GFPT1: variants seen among roughly 807,000 people sequenced by gnomAD.
The protein encoded by GFPT1 is glutamine--fructose-6-phosphate transaminase 1, also known as glutamine--fructose-6-phosphate aminotransferase [isomerizing] 1.
A neutral mutation model predicts 92.0 loss-of-function variants in GFPT1; 40 were observed. The observed-to-expected ratio is 0.43, with a 90% CI of 0.34 to 0.57. GFPT1 has a LOEUF of 0.57. Ranked by LOEUF, GFPT1 falls within the 20% of genes least tolerant of loss-of-function variation. The probability of loss-of-function intolerance (pLI) is 0.02; values close to 1 mark genes in which losing one functional copy is unlikely to be tolerated. For missense variants in GFPT1, 448 were observed against 869.1 expected (o/e 0.52, Z 6.09); for synonymous variants, 269 against 280.6 (o/e 0.96, Z 0.41).
At position 69,325,918 on chromosome 2, in the gene GFPT1, G is replaced by A. The variant is rs761054402; in HGVS notation, c.*271C>T. 9 of 377,768 alleles carry A rather than the reference G, an allele frequency of 2.4e-5. No individual in the cohort carries two copies. Among genetic ancestry groups the A allele is most frequent in the Non-Finnish European group, 4.3e-5 (9 of 209,806 alleles). 23.4% of individuals were successfully genotyped at this position (377,768 alleles called of 1,614,324 possible). The stretch of plus-strand genomic sequence containing the variant: ...GGAGGGTCCAGAAATGCAACACCCA[G>A]CATTCTTTAAAGAAAATAATAGCTA... On this transcript the variant is annotated 3_prime_UTR_variant, in exon 20 of 20. Transcript: ENST00000357308.
chr2:69,371,892 A>C (rs67052036), intron 2 of GFPT1, among the ~76,000 whole-genome samples: 19,385 of 151,494 alleles, frequency 0.13, 1,391 homozygotes, highest in Non-Finnish European at 0.16. Context: ...CAAAGAAGTT[A>C]CCAACATATA....
chr2:69,364,575 G>A (rs1336147616), intron 3 of GFPT1, among the ~76,000 whole-genome samples: 1 of 152,188 alleles, frequency 6.6e-6, no homozygotes, highest in Non-Finnish European at 1.5e-5. Flanking sequence ...GTGTACACAC[G>A]TCTCACAATA....
At chr2:69,363,763 T>A (rs1671538277) in intron 3 of GFPT1, 93 bp from the exon 4 acceptor site, 8 of 874,546 alleles carry the variant, frequency 9.1e-6, no homozygotes, top group Non-Finnish European at 1.3e-5. Flanking sequence ...ACAATGCTGC[T>A]CTCTTGGAAT....
At chr2:69,378,563 T>C (rs1671935128) in intron 1 of GFPT1, among the ~76,000 whole-genome samples, 1 of 152,150 alleles carries the variant, frequency 6.6e-6, no homozygotes, top group South Asian at 2.1e-4. Flanking sequence ...TTAAATTCAA[T>C]GACAAAAAAG....
At chr2:69,326,768 C>T (rs1051284510) in intron 19 of GFPT1, 146 bp downstream of exon 19, 10 of 791,822 alleles carry the variant, frequency 1.3e-5, no homozygotes, top group Non-Finnish European at 1.9e-5. Flanking sequence ...ATGTAACCTA[C>T]AAATTGGGCC....
At chr2:69,372,098 G>A (rs1671764459) in intron 2 of GFPT1, among the ~76,000 whole-genome samples, 1 of 151,164 alleles carries the variant, frequency 6.6e-6, no homozygotes, top group South Asian at 2.1e-4. Flanking sequence ...TACTCAGGAG[G>A]GTGAGGCAGG....
intron 4 of GFPT1, among the ~76,000 whole-genome samples, chr2:69,363,156 G>C (rs1303146763): frequency 6.6e-6 from 1 of 152,138 alleles, no homozygotes; most frequent in East Asian, 1.9e-4. Flanking sequence ...GAGGGCAATG[G>C]CATGAGGTGT....
At position 69,387,144 on chromosome 2, in the gene GFPT1, G is replaced by C; in HGVS notation, c.-73C>G. On this transcript the variant is annotated 5_prime_UTR_variant, in exon 1 of 20. Coordinates refer to ENST00000357308, the MANE Select transcript of GFPT1 (RefSeq NM_001244710.2). ...ATCGGGGGTGCACACACGAGCTTCG[G>C]TGGGCAATCTGCGGGCTCGGGGGCC... The C allele has an allele frequency of 2.7e-6, 4 of 1,476,392 alleles. No homozygotes were observed. Among genetic ancestry groups the C allele is most frequent in the Non-Finnish European group, 3.6e-6 (4 of 1,115,600 alleles). 91.5% of individuals were successfully genotyped at this position (1,476,392 alleles called of 1,614,324 possible). A position where few individuals can be genotyped will look rare whatever the true frequency, so the allele number is the denominator to read the frequency against.
At chr2:69,372,496 G>C (rs1393186592) in intron 2 of GFPT1, among the ~76,000 whole-genome samples, 3 of 151,816 alleles carry the variant, frequency 2.0e-5, no homozygotes, top group Non-Finnish European at 4.4e-5. Flanking sequence ...GCTGAATCCG[G>C]AAGACAGAGG....
chr2:69,340,140 CTTTTTTTT>C (rs139786418), intron 13 of GFPT1, among the ~76,000 whole-genome samples: 3 of 99,090 alleles, frequency 3.0e-5, no homozygotes, highest in East Asian at 5.8e-4. Context: ...GTTGGGGCAA[CTTTTTTTT>C]TTTTTTTTTT....
chr2:69,352,378 G>A (rs1671228568), intron 9 of GFPT1, among the ~76,000 whole-genome samples: 1 of 152,062 alleles, frequency 6.6e-6, no homozygotes, highest in South Asian at 2.1e-4. Flanking sequence ...ACTTTGGGAG[G>A]CCGAGGTGGG....
intron 1 of GFPT1, among the ~76,000 whole-genome samples, chr2:69,381,407 C>G (rs1448773498): frequency 6.6e-6 from 1 of 151,712 alleles, no homozygotes; most frequent in African/African-American, 2.4e-5. Context: ...TCCCAAAATG[C>G]TGAGTTCACA....
At chr2:69,384,740 GAGAA>G (rs1187384038) in intron 1 of GFPT1, among the ~76,000 whole-genome samples, 61 of 122,390 alleles carry the variant, frequency 5.0e-4, no homozygotes, top group African/African-American at 9.7e-4. Flanking sequence ...AAAGAAAGAA[GAGAA>G]AGAAAGAAAG....
intron 15 of GFPT1, among the ~76,000 whole-genome samples, chr2:69,333,515 C>A (rs1670721993): frequency 6.6e-6 from 1 of 152,164 alleles, no homozygotes; most frequent in South Asian, 2.1e-4. Flanking sequence ...TCAGAATCTA[C>A]CGAGGTTTGA....
chr2:69,372,247 G>C (rs1304808816), intron 2 of GFPT1, among the ~76,000 whole-genome samples: 1 of 148,544 alleles, frequency 6.7e-6, no homozygotes, highest in South Asian at 2.1e-4. Context: ...GCTCACCCAT[G>C]AAGACACCAA....
rs1049757166 is a variant in GFPT1, at chr2:69,323,688, T to C, written c.*2501A>G. 1 of 151,260 alleles carries C rather than the reference T, an allele frequency of 6.6e-6. No homozygotes were observed. The highest frequency in any genetic ancestry group is 1.5e-5 in the Non-Finnish European group (1 of 67,744). The allele number at this position is 151,260 out of a possible 1,614,324, so 9.4% of individuals were successfully genotyped here. A position where few individuals can be genotyped will look rare whatever the true frequency, so the allele number is the denominator to read the frequency against. ...CCATTTAAAAAAAAAATTTTTTTTT[T>C]TTTTTTTTGAGAGAGTCTTGCTCTG... is the stretch of plus-strand genomic sequence containing the variant. On this transcript the variant is annotated 3_prime_UTR_variant, in exon 20 of 20. Coordinates refer to ENST00000357308, the MANE Select transcript of GFPT1 (RefSeq NM_001244710.2).
chr2:69,338,307 G>A (rs1439292089), intron 14 of GFPT1, 138 bp downstream of exon 14: 1 of 808,542 alleles, frequency 1.2e-6, no homozygotes, highest in African/African-American at 1.7e-5. Flanking sequence ...AAAGAATTAT[G>A]TAACATTAAA....
chr2:69,372,846 C>T (rs974031311), intron 2 of GFPT1, among the ~76,000 whole-genome samples: 3 of 152,140 alleles, frequency 2.0e-5, no homozygotes, highest in African/African-American at 7.2e-5. Flanking sequence ...AAACTGCTAT[C>T]CTCAGAAAGG....
chr2:69,378,828 T>C (rs1671940655), intron 1 of GFPT1, among the ~76,000 whole-genome samples: 2 of 152,248 alleles, frequency 1.3e-5, no homozygotes, highest in Non-Finnish European at 2.9e-5. Context: ...TTATCAGTGA[T>C]AAGTGTTCAA....
Sources: allele counts gnomAD v4.1 joint callset (sites outside exome capture counted in the v4.1 genomes callset), GRCh38; gene constraint gnomAD v4.1.1; transcripts MANE v1.5; gene names NCBI Gene and HGNC (gene_info 2026-07-23, HGNC 2026-07-21).